The following SCN8A variants were observed in gnomAD, a reference collection of about 807,000 sequenced individuals.
SCN8A encodes sodium channel protein type 8 subunit alpha.
Under a neutral mutation model 184.1 loss-of-function variants are expected in SCN8A, and 30 were observed. The ratio of observed to expected loss-of-function variants is 0.16; its 90% CI spans 0.12 to 0.22. SCN8A has a LOEUF of 0.22. Among genes scored for constraint, SCN8A ranks in the 10% least tolerant of loss-of-function variants. The probability of loss-of-function intolerance (pLI) is 1.00; values close to 1 mark genes in which losing one functional copy is unlikely to be tolerated. For synonymous variants in SCN8A, 852 were observed against 907.0 expected (o/e 0.94, Z 1.09); for missense variants, 1,057 against 2,498.9 (o/e 0.42, Z 12.30).
chr12:51,614,257 A>G (rs1939784442), intron 1 of SCN8A, among the ~76,000 whole-genome samples: 1 of 151,824 alleles, frequency 6.6e-6, no homozygotes, highest in African/African-American at 2.4e-5. Context: ...GTATATTTGA[A>G]GGTTCTTTTG....
intron 14 of SCN8A, among the ~76,000 whole-genome samples, chr12:51,761,324 A>G (rs1397729003): frequency 6.6e-6 from 1 of 152,144 alleles, no homozygotes; most frequent in African/African-American, 2.4e-5. Context: ...TAAGCTACAA[A>G]TCTAAAACAT....
intron 6 of SCN8A, chr12:51,689,381 G>A (rs1042525443): frequency 1.1e-5 from 4 of 359,350 alleles, no homozygotes; most frequent in Non-Finnish European, 1.5e-5. Context: ...AGAGCTAGCT[G>A]TCTCTTTGTA....
chr12:51,614,854 G>A (rs1326825785), intron 1 of SCN8A, among the ~76,000 whole-genome samples: 1 of 139,976 alleles, frequency 7.1e-6, no homozygotes, highest in African/African-American at 2.7e-5. Context: ...AAATTGTATT[G>A]TGGTAAGAAC....
chr12:51,609,717 C>T (rs1345501300), intron 1 of SCN8A, among the ~76,000 whole-genome samples: 6 of 151,496 alleles, frequency 4.0e-5, no homozygotes, highest in Non-Finnish European at 8.8e-5. Flanking sequence ...TGGCAAAACC[C>T]CGCCTCTACT....
intron 1 of SCN8A, among the ~76,000 whole-genome samples, chr12:51,607,927 T>C (rs1939630720): frequency 6.6e-6 from 1 of 152,100 alleles, no homozygotes; most frequent in Non-Finnish European, 1.5e-5. Flanking sequence ...GGTATTAGGG[T>C]GATGCTGGCT....
intron 2 of SCN8A, among the ~76,000 whole-genome samples, chr12:51,683,871 A>G (rs1390816530): frequency 6.6e-6 from 1 of 152,222 alleles, no homozygotes; most frequent in Non-Finnish European, 1.5e-5. Flanking sequence ...AATGAACTTC[A>G]GTATCGTGTA....
chr12:51,663,100 T>G lies in SCN8A; in HGVS notation c.276+7T>G, dbSNP rs966400127. On this transcript the variant is annotated splice_region_variant and intron_variant, in intron 2 of 26. Transcript: ENST00000627620. ...ATACTATTTGACGCAGAAAGTGAGT[T>G]GGAGGAGGAGGAGCAGCTGCAGATA... 5.6e-6 allele frequency: 9 copies of G among 1,612,532 alleles called. No homozygotes were observed. The highest frequency in any genetic ancestry group is 7.6e-6 in the Non-Finnish European group (9 of 1,178,662).
chr12:51,782,375 C>A (rs1937950206), intron 21 of SCN8A, among the ~76,000 whole-genome samples: 1 of 152,184 alleles, frequency 6.6e-6, no homozygotes, highest in Non-Finnish European at 1.5e-5. Context: ...TTCTCTGCTC[C>A]CTGCACCTTT....
chr12:51,730,948 A>G (rs749212184), intron 12 of SCN8A, among the ~76,000 whole-genome samples: 1 of 152,202 alleles, frequency 6.6e-6, no homozygotes, highest in Non-Finnish European at 1.5e-5. Context: ...CCCACAGATA[A>G]GTGAGAACAT....
intron 1 of SCN8A, among the ~76,000 whole-genome samples, chr12:51,609,954 C>T (rs1049445361): frequency 2.4e-4 from 37 of 151,270 alleles, no homozygotes; most frequent in African/African-American, 8.5e-4. Flanking sequence ...CACATGTACC[C>T]TAAAACTTAA....
intron 1 of SCN8A, among the ~76,000 whole-genome samples, chr12:51,592,627 T>C (rs1939253422): frequency 6.6e-6 from 1 of 151,794 alleles, no homozygotes; most frequent in South Asian, 2.1e-4. Flanking sequence ...GGAGAAATAA[T>C]TAGCATGGAG....
chr12:51,758,441 T>A (rs1942711387), intron 14 of SCN8A, among the ~76,000 whole-genome samples: 1 of 152,140 alleles, frequency 6.6e-6, no homozygotes, highest in African/African-American at 2.4e-5. Context: ...TGTTTGTTTG[T>A]TTGTTTTGTT....
Position 51,807,706 on chromosome 12 carries a change from A to T in SCN8A, c.*277A>T, listed in dbSNP as rs936155194. On this transcript the variant is annotated 3_prime_UTR_variant, in exon 27 of 27. Coordinates refer to ENST00000627620, the MANE Select transcript of SCN8A (RefSeq NM_001330260.2). The surrounding 1 kb of genome is among the most constrained non-coding windows in gnomAD (Gnocchi z 4.5). ...GTCAATGCAACTTAGGACAAAACTA[A>T]CCAGATACAGAAACAGAAGAGAGGC... The T allele has an allele frequency of 8.8e-6, 4 of 452,496 alleles. No homozygotes were observed. The highest frequency in any genetic ancestry group is 3.8e-5 in the Admixed American group (1 of 26,066). 28.0% of individuals were successfully genotyped at this position (452,496 alleles called of 1,614,324 possible).
At chr12:51,748,153 G>A (rs1008872074) in intron 13 of SCN8A, among the ~76,000 whole-genome samples, 1 of 152,156 alleles carries the variant, frequency 6.6e-6, no homozygotes, top group East Asian at 1.9e-4. Flanking sequence ...TTAACCATTG[G>A]TCCCTCTGTA....
intron 1 of SCN8A, among the ~76,000 whole-genome samples, chr12:51,599,020 A>G (rs1939408260): frequency 6.6e-6 from 1 of 152,174 alleles, no homozygotes; most frequent in African/African-American, 2.4e-5. Flanking sequence ...CTACTAACCT[A>G]CATTGCTTTT....
At chr12:51,704,975 A>G (rs895291004) in intron 9 of SCN8A, among the ~76,000 whole-genome samples, 1 of 146,204 alleles carries the variant, frequency 6.8e-6, no homozygotes, top group Non-Finnish European at 1.5e-5. Context: ...ACTTCATCTC[A>G]AAAAAAAAAT....
intron 1 of SCN8A, among the ~76,000 whole-genome samples, chr12:51,656,010 T>C (rs957552297): frequency 2.0e-5 from 3 of 152,232 alleles, no homozygotes; most frequent in Non-Finnish European, 4.4e-5. Flanking sequence ...ATATAACTTA[T>C]GGATGAAGCA....
chr12:51,780,672 T>C lies in SCN8A; in HGVS notation c.3843T>C (p.Ala1281=). The C allele has an allele frequency of 6.6e-7, 1 of 1,519,022 alleles. No individual in the cohort carries two copies. Among genetic ancestry groups the C allele is most frequent in the Non-Finnish European group, 8.9e-7 (1 of 1,129,590 alleles). The allele number at this position is 1,519,022 out of a possible 1,614,324, so 94.1% of individuals were successfully genotyped here. The stretch of plus-strand genomic sequence containing the variant: ...AGGTCTCTTTAGTCAGCCTTATAGC[T>C]AATGCCCTGGGCTACTCGGAACTAG... ...IVAVSLVSLI[A]NALGYSELGA... The change falls in exon 21 of 27, where the codon GCT becomes GCC. Residue 1281 remains alanine (A), a synonymous_variant. Transcript: ENST00000627620.
intron 12 of SCN8A, among the ~76,000 whole-genome samples, chr12:51,724,695 G>A (rs1942129066): frequency 6.6e-6 from 1 of 152,176 alleles, no homozygotes; most frequent in Non-Finnish European, 1.5e-5. Flanking sequence ...CAAATGTTTA[G>A]AACCAAATTG....
Sources: gnomAD v4.1 joint callset for allele counts (sites outside exome capture counted in the v4.1 genomes callset) on GRCh38, gnomAD v4.1.1 for gene constraint, Gnocchi (gnomAD v3.1) non-coding constraint, MANE v1.5 for transcripts, NCBI Gene and HGNC (gene_info 2026-07-23, HGNC 2026-07-21) for gene names.